TRIOBP: variants seen among roughly 807,000 people sequenced by gnomAD.
TRIOBP encodes TRIO and F-actin binding protein.
TRIOBP carries 169 observed loss-of-function variants against 238.8 expected under a neutral mutation model. The observed-to-expected ratio is 0.71, with a 90% CI of 0.62 to 0.80. The LOEUF (loss-of-function observed/expected upper bound fraction) is 0.80. TRIOBP is among the 30% of genes least tolerant of loss of function. TRIOBP has a pLI of 0.00. For missense variants in TRIOBP, 2,838 were observed against 3,122.6 expected (o/e 0.91, Z 2.17); for synonymous variants, 1,150 against 1,274.4 (o/e 0.90, Z 2.08).
In TRIOBP at chr22:37,725,134, C is replaced by G. The variant is rs776519774; in HGVS notation, c.2578C>G (p.Gln860Glu). 1.2e-6 allele frequency: 2 copies of G among 1,614,004 alleles called. No homozygotes were observed. Among genetic ancestry groups the G allele is most frequent in the African/African-American group, 2.7e-5 (2 of 74,912 alleles). ...GGACCGCACACAGTCCTTTTCCTTT[C>G]AACGAGACAACCCTGGAACCTCCTC... ...QRDRTQSFSF[Q>E]RDNPGTSSSQ... The change falls in exon 7 of 24, where the codon CAA becomes GAA. Residue 860 changes from glutamine (Q) to glutamate (E), a missense_variant. By Grantham distance (29) the Gln-to-Glu change is conservative (BLOSUM62 2). This residue lies in a region of TRIOBP where 2,096 missense variants were observed against 2,137.4 expected (regional missense o/e 0.98). Coordinates refer to ENST00000644935, the MANE Select transcript of TRIOBP (RefSeq NM_001039141.3).
chr22:37,748,304 C>T (rs1012406447), intron 11 of TRIOBP, among the ~76,000 whole-genome samples: 6 of 152,186 alleles, frequency 3.9e-5, no homozygotes, highest in Non-Finnish European at 7.3e-5. Context: ...CTCCCCTGGC[C>T]CCCGTGCCCT....
At chr22:37,712,683 G>A (rs1054523536) in intron 4 of TRIOBP, among the ~76,000 whole-genome samples, 1 of 151,644 alleles carries the variant, frequency 6.6e-6, no homozygotes, top group Admixed American at 6.6e-5. Flanking sequence ...GTTGCTGGGC[G>A]CAGTGGCTCA....
chr22:37,768,188 C>G lies in TRIOBP; in HGVS notation c.6575+12C>G. The G allele has an allele frequency of 6.2e-7, 1 of 1,603,634 alleles. No homozygotes were observed. The highest frequency in any genetic ancestry group is 8.5e-7 in the Non-Finnish European group (1 of 1,174,168). On this transcript the variant is annotated intron_variant, in intron 19 of 23. Coordinates refer to ENST00000644935, the MANE Select transcript of TRIOBP (RefSeq NM_001039141.3). ...CGGAAGCAGCACCAGTAAGATGATG[C>G]CGGGGCCCAACTGCCCACCCTGATG...
Position 37,771,641 on chromosome 22 carries a change from T to C in TRIOBP, c.6850-9T>C. On this transcript the variant is annotated splice_polypyrimidine_tract_variant and intron_variant, in intron 21 of 23. Transcript: ENST00000644935. ...TGGCCCTGGGTCAGTCCAGCACCTA[T>C]ATCCCCAGGTGCTGCTTCGCGTAAA... is the stretch of plus-strand genomic sequence containing the variant. The C allele has an allele frequency of 2.5e-6, 4 of 1,612,918 alleles. No homozygotes were observed. The highest frequency in any genetic ancestry group is 3.4e-6 in the Non-Finnish European group (4 of 1,179,136).
In TRIOBP at chr22:37,754,556, G is replaced by T. The variant is rs529733813; in HGVS notation, c.5380-321G>T. Among the ~76,000 whole-genome samples the T allele has an allele frequency of 5.6e-4, 85 of 152,066 alleles. 1 individual carries two copies. The highest frequency in any genetic ancestry group is 5.6e-4 in the Non-Finnish European group (38 of 68,020). ...GGGGGAATATGGAAAAAGACGTAACGTCCTGGCCCCGCTGAGTCCCTGACT... is the reference window on the plus strand; with the variant it reads ...GGGGGAATATGGAAAAAGACGTAACTTCCTGGCCCCGCTGAGTCCCTGACT... On this transcript the variant is annotated intron_variant, in intron 12 of 23. Transcript: ENST00000644935.
At chr22:37,742,000 C>T (rs1490053322) in intron 11 of TRIOBP, among the ~76,000 whole-genome samples, 1 of 152,190 alleles carries the variant, frequency 6.6e-6, no homozygotes, top group Non-Finnish European at 1.5e-5. Flanking sequence ...CTCTATCGCC[C>T]AGGCTGGAGT....
At chr22:37,754,590 C>G (rs1426525129) in intron 12 of TRIOBP, among the ~76,000 whole-genome samples, 1 of 152,156 alleles carries the variant, frequency 6.6e-6, no homozygotes, top group Non-Finnish European at 1.5e-5. Context: ...CTTGCTTACA[C>G]AGGTCATCAC....
At chr22:37,727,591 C>T (rs1490567179) in intron 7 of TRIOBP, among the ~76,000 whole-genome samples, 3 of 152,086 alleles carry the variant, frequency 2.0e-5, no homozygotes, top group African/African-American at 7.2e-5. Flanking sequence ...TTGCTTGAAC[C>T]TGGGAGGCGG....
At position 37,701,305 on chromosome 22, in the gene TRIOBP, G is replaced by C. The variant is rs1392399682; in HGVS notation, c.-60-1G>C. 49 of 1,380,236 alleles carry C rather than the reference G, an allele frequency of 3.6e-5. No individual in the cohort carries two copies. The highest frequency in any genetic ancestry group is 5.7e-5 in the African/African-American group (4 of 70,770). The allele number at this position is 1,380,236 out of a possible 1,614,324, so 85.5% of individuals were successfully genotyped here. A position where few individuals can be genotyped will look rare whatever the true frequency, so the allele number is the denominator to read the frequency against. Reference sequence around the variant, plus strand: ...CTTTGCCTCCCCCTCATTTTTGCCAGGCCTCACATAGACGGTCAGCCATTG... The same window carrying C: ...CTTTGCCTCCCCCTCATTTTTGCCACGCCTCACATAGACGGTCAGCCATTG... On this transcript the variant is annotated splice_acceptor_variant, in intron 2 of 23. Coordinates refer to ENST00000644935, the MANE Select transcript of TRIOBP (RefSeq NM_001039141.3). LOFTEE classifies it low-confidence loss of function (5UTR_SPLICE).
intron 4 of TRIOBP, 53 bp downstream of exon 4, chr22:37,710,619 C>T: frequency 6.3e-7 from 1 of 1,575,590 alleles, no homozygotes; most frequent in Non-Finnish European, 8.6e-7. Context: ...AATGCCCTCA[C>T]CCTTCCCATT....
intron 4 of TRIOBP, among the ~76,000 whole-genome samples, chr22:37,711,287 C>A (rs574317767): frequency 1.3e-5 from 2 of 152,084 alleles, no homozygotes; most frequent in East Asian, 1.9e-4. Context: ...AACAAACAAA[C>A]AAAAAAACAG....
At chr22:37,701,755 C>G (rs999570365) in intron 3 of TRIOBP, among the ~76,000 whole-genome samples, 5 of 152,194 alleles carry the variant, frequency 3.3e-5, no homozygotes, top group African/African-American at 9.7e-5. Context: ...TCTTTTTCCC[C>G]TTCTATTGAA....
rs202084865 is a variant in TRIOBP at position 37,715,286 on chromosome 22, A to AT, written c.457-475dup. 8.3e-3 allele frequency among the ~76,000 whole-genome samples: 1,266 copies of AT among 151,928 alleles called. 15 individuals are homozygous for AT. The highest frequency in any genetic ancestry group is 0.011 in the Non-Finnish European group (770 of 67,978). On this transcript the variant is annotated intron_variant, in intron 5 of 23. Coordinates refer to ENST00000644935, the MANE Select transcript of TRIOBP (RefSeq NM_001039141.3). Reference sequence around the variant, plus strand: ...TGCCTCAGCCTCACAAAGTGTTGGGATTACAGGCGTGAGCCACTGCGCCCT... The same window carrying AT: ...TGCCTCAGCCTCACAAAGTGTTGGGATTTACAGGCGTGAGCCACTGCGCCCT...
rs1272806964 is a variant in TRIOBP, at chr22:37,738,733, G to C, written c.5184+14G>C. 3 of 1,613,524 alleles carry C rather than the reference G, an allele frequency of 1.9e-6. No homozygotes were observed. In the African/African-American group the frequency reaches 4.0e-5, roughly 22 times the overall value. ...CAGGCAGACTCGGTAGCTGGGTCAT[G>C]GGTGTGGGTACATACGGTGGGGAAG... On this transcript the variant is annotated intron_variant, in intron 10 of 23. Coordinates refer to ENST00000644935, the MANE Select transcript of TRIOBP (RefSeq NM_001039141.3).
At chr22:37,714,579 G>C (rs549242299) in intron 5 of TRIOBP, among the ~76,000 whole-genome samples, 99 of 152,258 alleles carry the variant, frequency 6.5e-4, no homozygotes, top group African/African-American at 2.2e-3. Flanking sequence ...TGAGACAGGA[G>C]AATCGCTTGA....
intron 4 of TRIOBP, 139 bp from the exon 5 acceptor site, chr22:37,713,071 G>A: frequency 1.5e-6 from 1 of 674,362 alleles, no homozygotes; most frequent in East Asian, 2.7e-5. Context: ...CTGACACAGA[G>A]GCAGCTCTCA....
intron 17 of TRIOBP, among the ~76,000 whole-genome samples, chr22:37,762,964 T>C (rs1418614940): frequency 1.3e-5 from 2 of 152,108 alleles, no homozygotes; most frequent in African/African-American, 4.8e-5. Flanking sequence ...CATTTCTTTA[T>C]CTACTTTGAT....
intron 6 of TRIOBP, among the ~76,000 whole-genome samples, chr22:37,716,181 G>T (rs937275093): frequency 6.6e-6 from 1 of 151,858 alleles, no homozygotes; most frequent in African/African-American, 2.4e-5. Context: ...GTGTGATCTC[G>T]GCTCACTGCA....
intron 11 of TRIOBP, chr22:37,746,321 C>A: frequency 8.8e-7 from 1 of 1,142,402 alleles, no homozygotes; most frequent in Non-Finnish European, 1.1e-6. Flanking sequence ...GGGGCGGCGG[C>A]GGCGGCGGCG....
Sources: allele counts gnomAD v4.1 joint callset (sites outside exome capture counted in the v4.1 genomes callset), GRCh38; gene constraint gnomAD v4.1.1; regional missense constraint gnomAD v4.1.1; transcripts MANE v1.5; gene names NCBI Gene and HGNC (gene_info 2026-07-23, HGNC 2026-07-21).